Variants in CNTN5 observed in about 807,000 individuals in gnomAD.
CNTN5 encodes contactin-5.
CNTN5 carries 77 observed loss-of-function variants against 129.1 expected under a neutral mutation model. That is an observed-to-expected ratio of 0.60 (90% CI 0.50 to 0.72). The LOEUF is 0.72. Ranked by LOEUF, CNTN5 falls within the 30% of genes least tolerant of loss-of-function variation. The pLI is 0.00. For missense variants in CNTN5, 1,478 were observed against 1,328.8 expected, an observed-to-expected ratio of 1.11 and a Z score of -1.75; for synonymous variants, 509 against 465.6, an observed-to-expected ratio of 1.09 and a Z score of -1.20.
At chr11:99,352,541 T>C (rs779498786) in intron 2 of CNTN5, among the ~76,000 whole-genome samples, 1 of 152,170 alleles carries the variant, frequency 6.6e-6, no homozygotes, top group Admixed American at 6.5e-5. Flanking sequence ...ACTGATCTCA[T>C]GTTGTTTGGA....
intron 4 of CNTN5, among the ~76,000 whole-genome samples, chr11:99,826,418 A>T (rs1039764947): frequency 2.0e-5 from 3 of 152,162 alleles, no homozygotes; most frequent in South Asian, 2.1e-4. Flanking sequence ...GTAGCCTCAC[A>T]TGCTCACAGA....
At chr11:100,116,293 A>G (rs1945837523) in intron 13 of CNTN5, among the ~76,000 whole-genome samples, 1 of 152,052 alleles carries the variant, frequency 6.6e-6, no homozygotes, top group African/African-American at 2.4e-5. Context: ...TACCTTGCTG[A>G]GGGCAAAACT....
intron 1 of CNTN5, among the ~76,000 whole-genome samples, chr11:99,077,057 C>T (rs1223647265): frequency 6.6e-6 from 1 of 152,104 alleles, no homozygotes; most frequent in Non-Finnish European, 1.5e-5. Context: ...ACTAAGTAGA[C>T]AGGATAAGTG....
chr11:99,326,044 A>G (rs1240703767), intron 2 of CNTN5, among the ~76,000 whole-genome samples: 1 of 152,202 alleles, frequency 6.6e-6, no homozygotes, highest in Non-Finnish European at 1.5e-5. Flanking sequence ...ATTCTTACAT[A>G]TTTACGTAAC....
At chr11:99,632,552 C>A (rs1951397945) in intron 3 of CNTN5, among the ~76,000 whole-genome samples, 1 of 152,090 alleles carries the variant, frequency 6.6e-6, no homozygotes, top group African/African-American at 2.4e-5. Flanking sequence ...ACTTGTACCC[C>A]AAATTGATTT....
At chr11:99,977,339 A>C (rs1449050529) in intron 8 of CNTN5, among the ~76,000 whole-genome samples, 1 of 152,158 alleles carries the variant, frequency 6.6e-6, no homozygotes, top group Non-Finnish European at 1.5e-5. Context: ...AAACTGTTCC[A>C]ACATCTGCCC....
rs552759930 is a variant in CNTN5 at position 99,702,869 on chromosome 11, C to A, written c.56-116675C>A. On this transcript the variant is annotated intron_variant, in intron 3 of 24. Coordinates refer to ENST00000524871, the MANE Select transcript of CNTN5 (RefSeq NM_014361.4). ...TCATCTCTCCAGGAAAGAAGAAATA[C>A]TCTCATTTATTTTTGTTTGTGAGAT... Among the ~76,000 whole-genome samples the A allele has an allele frequency of 1.3e-3, 199 of 151,014 alleles. 1 individual carries two copies. Among genetic ancestry groups the A allele is most frequent in the African/African-American group, 4.4e-3 (183 of 41,392 alleles).
intron 1 of CNTN5, among the ~76,000 whole-genome samples, chr11:99,037,580 T>TC (rs200339951): frequency 1.3e-3 from 160 of 121,660 alleles, no homozygotes; most frequent in African/African-American, 4.5e-3. Context: ...TCTTTTCTTT[T>TC]TTTTTTTTTT....
intron 1 of CNTN5, among the ~76,000 whole-genome samples, chr11:99,037,571 C>G (rs77468856): frequency 8.5e-5 from 10 of 118,266 alleles, no homozygotes; most frequent in Admixed American, 1.9e-4. Context: ...CTTCTTTTTT[C>G]TTTTCTTTTT....
rs867782590 is a variant in CNTN5, at chr11:99,375,309, A to G, written c.-71+49825A>G. 3.2e-4 allele frequency among the ~76,000 whole-genome samples: 44 copies of G among 137,922 alleles called. 1 individual carries two copies. The highest frequency in any genetic ancestry group is 5.6e-4 in the Admixed American group (8 of 14,340). 90.5% of individuals were successfully genotyped at this position (137,922 alleles called of 152,430 possible). A position where few individuals can be genotyped will look rare whatever the true frequency, so the allele number is the denominator to read the frequency against. On this transcript the variant is annotated intron_variant, in intron 2 of 24. Coordinates refer to ENST00000524871, the MANE Select transcript of CNTN5 (RefSeq NM_014361.4). ...CAGAGTGGGAGTCTGTCTCAAAAAA[A>G]AAAAAAAAAAAAAAAAAGGAGAAAT... is the stretch of plus-strand genomic sequence containing the variant.
chr11:100,154,215 C>T (rs1947159882), intron 13 of CNTN5, among the ~76,000 whole-genome samples: 1 of 152,080 alleles, frequency 6.6e-6, no homozygotes, highest in Admixed American at 6.6e-5. Flanking sequence ...GCTTTCTGTT[C>T]TTGTGTTTGT....
At chr11:100,313,627 T>C (rs554775768) in intron 21 of CNTN5, among the ~76,000 whole-genome samples, 270 of 151,846 alleles carry the variant, frequency 1.8e-3, no homozygotes, top group Non-Finnish European at 2.8e-3. Context: ...GCTGAAAACA[T>C]AGAGATGGCC....
intron 3 of CNTN5, among the ~76,000 whole-genome samples, chr11:99,786,680 G>T (rs1271159650): frequency 6.6e-6 from 1 of 152,114 alleles, no homozygotes; most frequent in African/African-American, 2.4e-5. Flanking sequence ...GAACAGAACA[G>T]AGACCTCAGA....
intron 1 of CNTN5, among the ~76,000 whole-genome samples, chr11:99,061,731 G>T (rs1864888084): frequency 6.6e-6 from 1 of 152,050 alleles, no homozygotes; most frequent in African/African-American, 2.4e-5. Flanking sequence ...TGGCCCCACG[G>T]CTGTTATCCC....
At chr11:100,237,187 TC>T (rs1367755088) in intron 16 of CNTN5, among the ~76,000 whole-genome samples, 9 of 83,220 alleles carry the variant, frequency 1.1e-4, no homozygotes, top group African/African-American at 3.9e-4. Flanking sequence ...AGACTCCGTC[TC>T]AAAAAAAAAA....
intron 18 of CNTN5, among the ~76,000 whole-genome samples, chr11:100,283,382 G>A (rs976252207): frequency 6.6e-6 from 1 of 152,122 alleles, no homozygotes; most frequent in Non-Finnish European, 1.5e-5. Flanking sequence ...TGCAAGCTGT[G>A]CAGCCTGGAC....
At chr11:99,841,816 A>G (rs932593236) in intron 4 of CNTN5, among the ~76,000 whole-genome samples, 44 of 142,000 alleles carry the variant, frequency 3.1e-4, no homozygotes, top group South Asian at 8.8e-4. Context: ...GTGTGTGTAT[A>G]TATGTGTGTA....
chr11:99,867,217 C>T (rs181458531), intron 6 of CNTN5, among the ~76,000 whole-genome samples: 45 of 152,144 alleles, frequency 3.0e-4, no homozygotes, highest in Non-Finnish European at 4.0e-4. Context: ...TCTTTCCCAC[C>T]CTTCATATTG....
At chr11:99,265,079 T>C (rs1279284201) in intron 1 of CNTN5, among the ~76,000 whole-genome samples, 1 of 151,946 alleles carries the variant, frequency 6.6e-6, no homozygotes, top group East Asian at 1.9e-4. Flanking sequence ...AACTTAGGTG[T>C]GCTCCATGTA....
Sources: gnomAD v4.1 joint callset for allele counts (sites outside exome capture counted in the v4.1 genomes callset) on GRCh38, gnomAD v4.1.1 for gene constraint, MANE v1.5 for transcripts, NCBI Gene and HGNC (gene_info 2026-07-23, HGNC 2026-07-21) for gene names.